Variants in ATP8B4 observed in about 807,000 individuals in gnomAD.
The protein encoded by ATP8B4 is probable phospholipid-transporting ATPase IM.
In ATP8B4, 133 loss-of-function variants were observed where a neutral mutation model predicts 145.6. That is an observed-to-expected ratio of 0.91 (90% CI 0.79 to 1.05). ATP8B4 has a LOEUF of 1.05. Among genes scored for constraint, ATP8B4 ranks in the 50% least tolerant of loss-of-function variants. The pLI, the probability that ATP8B4 is intolerant of heterozygous loss-of-function variation, is 0.00. For synonymous variants in ATP8B4, 507 were observed against 492.9 expected, an observed-to-expected ratio of 1.03 and a Z score of -0.38; for missense variants, 1,458 against 1,425.2, an observed-to-expected ratio of 1.02 and a Z score of -0.37.
chr15:49,904,469 A>G (rs1201557209), intron 20 of ATP8B4, among the ~76,000 whole-genome samples: 2 of 152,246 alleles, frequency 1.3e-5, no homozygotes. Flanking sequence ...CAGAAGATCT[A>G]CAAGATTACC....
intron 3 of ATP8B4, among the ~76,000 whole-genome samples, chr15:50,065,546 G>T (rs7172615): frequency 0.19 from 28,814 of 151,926 alleles, 3,044 homozygotes; most frequent in East Asian, 0.32. Flanking sequence ...GTTGATTTAT[G>T]GATTATTTTC....
intron 2 of ATP8B4, among the ~76,000 whole-genome samples, chr15:50,092,842 A>T (rs923300808): frequency 6.6e-6 from 1 of 151,966 alleles, no homozygotes; most frequent in Non-Finnish European, 1.5e-5. Context: ...CTTTCAAAAG[A>T]CATCAAACTA....
At chr15:49,961,775 G>C (rs532547321) in intron 14 of ATP8B4, among the ~76,000 whole-genome samples, 2 of 152,068 alleles carry the variant, frequency 1.3e-5, no homozygotes, top group East Asian at 3.9e-4. Context: ...AATATCTCAA[G>C]AATAAAAAAT....
intron 6 of ATP8B4, among the ~76,000 whole-genome samples, chr15:50,021,776 GCCT>G (rs2049593192): frequency 1.3e-5 from 2 of 152,062 alleles, no homozygotes; most frequent in South Asian, 2.1e-4. Context: ...GATTTATCTG[GCCT>G]CCTCATTTCT....
Position 49,931,317 on chromosome 15 carries a change from A to G in ATP8B4, c.1454-10T>C. 6.2e-7 allele frequency: 1 copy of G among 1,609,578 alleles called. No homozygotes were observed. On this transcript the variant is annotated splice_polypyrimidine_tract_variant and intron_variant, in intron 15 of 27. Coordinates refer to ENST00000284509, the MANE Select transcript of ATP8B4 (RefSeq NM_024837.4). ...TGGTAAATCAGCTCTCCTAAAAGGT[A>G]AAGAAACAAGTGTATCAATACTGAC...
At chr15:49,917,176 A>G in intron 19 of ATP8B4, 137 bp from the exon 20 acceptor site, 1 of 725,466 alleles carries the variant, frequency 1.4e-6, no homozygotes, top group Admixed American at 2.6e-5. Context: ...ACAACAGGTG[A>G]TAAAATACAA....
chr15:50,131,113 G>A (rs914564412), intron 1 of ATP8B4, among the ~76,000 whole-genome samples: 4 of 152,172 alleles, frequency 2.6e-5, no homozygotes, highest in Non-Finnish European at 2.9e-5. Flanking sequence ...TCACTATCAC[G>A]AGAACAGCAT....
intron 3 of ATP8B4, among the ~76,000 whole-genome samples, chr15:50,067,773 C>T (rs1417999914): frequency 1.3e-5 from 2 of 152,050 alleles, no homozygotes; most frequent in Non-Finnish European, 2.9e-5. Flanking sequence ...TTGGGGCCCA[C>T]CTAAACATAT....
chr15:50,077,089 G>A (rs2153638232), intron 2 of ATP8B4, among the ~76,000 whole-genome samples: 1 of 152,274 alleles, frequency 6.6e-6, no homozygotes, highest in East Asian at 1.9e-4. Context: ...TATGTAAGAG[G>A]AATGAAAGGA....
intron 18 of ATP8B4, among the ~76,000 whole-genome samples, chr15:49,919,654 T>C (rs372461991): frequency 6.6e-5 from 10 of 152,224 alleles, no homozygotes; most frequent in Middle Eastern, 3.4e-3. Context: ...CCGGACCTCG[T>C]GATCCGCCCA....
chr15:50,168,677 C>T (rs1356690081), intron 1 of ATP8B4, among the ~76,000 whole-genome samples: 2 of 152,178 alleles, frequency 1.3e-5, no homozygotes, highest in Non-Finnish European at 2.9e-5. Context: ...TGAAAAGCCT[C>T]CTGGCCAGAA....
At chr15:49,911,072 A>T (rs2039177332) in intron 20 of ATP8B4, among the ~76,000 whole-genome samples, 1 of 152,160 alleles carries the variant, frequency 6.6e-6, no homozygotes, top group Non-Finnish European at 1.5e-5. Flanking sequence ...GAAATAAAGG[A>T]ACAGAAGATA....
At chr15:50,091,884 C>T (rs1049775517) in intron 2 of ATP8B4, among the ~76,000 whole-genome samples, 5 of 152,158 alleles carry the variant, frequency 3.3e-5, no homozygotes, top group African/African-American at 1.2e-4. Flanking sequence ...AACCCACCTG[C>T]TAAGAATAAC....
intron 16 of ATP8B4, among the ~76,000 whole-genome samples, chr15:49,925,972 A>C (rs2040681375): frequency 6.6e-6 from 1 of 152,166 alleles, no homozygotes. Flanking sequence ...TACAGTTTTT[A>C]GGTTATAAAA....
At position 50,161,968 on chromosome 15, in the gene ATP8B4, G is replaced by A. The variant is rs1206412670; in HGVS notation, c.-43+20293C>T. Among the ~76,000 whole-genome samples the A allele has an allele frequency of 2.0e-5, 3 of 152,244 alleles. No homozygotes were observed. The East Asian group carries it at 5.8e-4, about 29-fold the overall frequency. On this transcript the variant is annotated intron_variant, in intron 1 of 3. Transcript: ENST00000558829. ...GGAGGACAGGTCTTGGGTTGATGAA[G>A]TCTCTCAGCATTAGTTTGTCTTGAA... is the stretch of plus-strand genomic sequence containing the variant.
chr15:49,948,378 G>T (rs1163584544), intron 14 of ATP8B4, among the ~76,000 whole-genome samples: 1 of 152,068 alleles, frequency 6.6e-6, no homozygotes. Flanking sequence ...GAACCTGGCA[G>T]ATGGAGGTTG....
At chr15:50,072,924 C>CTCTCTCTCTCAA (rs2053848366) in intron 3 of ATP8B4, among the ~76,000 whole-genome samples, 1 of 10,560 alleles carries the variant, frequency 9.5e-5, no homozygotes, top group Non-Finnish European at 1.8e-4. Flanking sequence ...TGCCCGGCCT[C>CTCTCTCTCTCAA]TCTCTCTCTC....
intron 2 of ATP8B4, among the ~76,000 whole-genome samples, chr15:50,080,286 T>A (rs1600239063): frequency 6.6e-6 from 1 of 152,324 alleles, no homozygotes; most frequent in Non-Finnish European, 1.5e-5. Flanking sequence ...TAAATGAGAA[T>A]ACCTCATTTA....
chr15:50,123,095 C>T (rs2057284058), upstream of ATP8B4, among the ~76,000 whole-genome samples: 1 of 152,134 alleles, frequency 6.6e-6, no homozygotes, highest in African/African-American at 2.4e-5. Flanking sequence ...TCTTTACTAT[C>T]TCTCCAGAAT....
Sources: gnomAD v4.1 joint callset for allele counts (sites outside exome capture counted in the v4.1 genomes callset) on GRCh38, gnomAD v4.1.1 for gene constraint, MANE v1.5 for transcripts, NCBI Gene and HGNC (gene_info 2026-07-23, HGNC 2026-07-21) for gene names.